The following CDKL5 variants were observed in gnomAD, a reference collection of about 807,000 sequenced individuals.
CDKL5 encodes the protein cyclin dependent kinase like 5.
In CDKL5, 8 loss-of-function variants were observed where a neutral mutation model predicts 61.7. The ratio of observed to expected loss-of-function variants is 0.13; its 90% CI spans 0.08 to 0.23. CDKL5 has a LOEUF of 0.23. Ranked by LOEUF, CDKL5 falls within the 10% of genes least tolerant of loss-of-function variation. The pLI is 1.00. For synonymous variants in CDKL5, 275 were observed against 272.3 expected (o/e 1.01, Z -0.10); for missense variants, 440 against 734.5 (o/e 0.60, Z 4.63).
At chrX:18,575,574 A>G in intron 5 of CDKL5, 84 bp downstream of exon 5, 1 of 876,256 alleles carries the variant, frequency 1.1e-6, no homozygotes, top group Non-Finnish European at 1.7e-6. Context: ...AAGTACTGTT[A>G]TCTAATATGG....
At chrX:18,516,070 C>G (rs1036376923) in intron 3 of CDKL5, among the ~76,000 whole-genome samples, 2 of 110,191 alleles carry the variant, frequency 1.8e-5, no homozygotes, top group African/African-American at 6.6e-5. Flanking sequence ...TCACTGCAAC[C>G]TCCGCTTCCC....
intron 1 of CDKL5, among the ~76,000 whole-genome samples, chrX:18,488,865 A>G (rs1361291380): frequency 8.9e-6 from 1 of 111,999 alleles, no homozygotes; most frequent in Non-Finnish European, 1.9e-5. Context: ...TTAATGTTAA[A>G]ACAGACTCTT....
chrX:18,505,417 G>A (rs1026603145), intron 1 of CDKL5, among the ~76,000 whole-genome samples: 3 of 112,104 alleles, frequency 2.7e-5, no homozygotes, highest in Admixed American at 1.9e-4. Context: ...TCTTCATAGC[G>A]AAAAAAGAAC....
At chrX:18,579,668 A>G (rs1925409436) in intron 5 of CDKL5, among the ~76,000 whole-genome samples, 180 bp from the exon 6 acceptor site, 2 of 111,391 alleles carry the variant, frequency 1.8e-5, no homozygotes, top group Admixed American at 9.6e-5. Context: ...GGAATTCCTC[A>G]TAAAAGAAAG....
At position 18,494,429 on chromosome X, in the gene CDKL5, T is replaced by C. The variant is rs767234238; in HGVS notation, c.-162-12506T>C. Among the ~76,000 whole-genome samples the C allele has an allele frequency of 5.5e-5, 6 of 109,131 alleles. No individual in the cohort carries two copies. In the South Asian group the frequency reaches 2.3e-3, roughly 42 times the overall value. The allele number at this position is 109,131 out of a possible 115,157, so 94.8% of individuals were successfully genotyped here. On this transcript the variant is annotated intron_variant, in intron 1 of 17. Transcript: ENST00000623535. ...TACCCCGTTAATTTTTTGTATTTCT[T>C]TTTTTTTTAGTAGAGATGGGGTTTT...
In CDKL5 at chrX:18,628,853, G is replaced by A; in HGVS notation, c.*96G>A. ...TGGGGCATGGGCCGGGCCAAGTGGTGAGCCAATATTTTCAGCTTTATGAAG... is the reference window on the plus strand; with the variant it reads ...TGGGGCATGGGCCGGGCCAAGTGGTAAGCCAATATTTTCAGCTTTATGAAG... On this transcript the variant is annotated 3_prime_UTR_variant, in exon 18 of 18. Transcript: ENST00000623535. 1.8e-6 allele frequency: 2 copies of A among 1,085,024 alleles called. No individual in the cohort carries two copies. Among genetic ancestry groups the A allele is most frequent in the Admixed American group, 3.8e-5 (1 of 26,318 alleles). 89.4% of individuals were successfully genotyped at this position (1,085,024 alleles called of 1,213,427 possible). A position where few individuals can be genotyped will look rare whatever the true frequency, so the allele number is the denominator to read the frequency against.
In CDKL5 at chrX:18,439,240, T is replaced by G. The variant is rs554315277; in HGVS notation, c.-163+13545T>G. On this transcript the variant is annotated intron_variant, in intron 1 of 17. Transcript: ENST00000623535. ...TGGTAAATGAGTAGGTGCTAATAGCTCTCTGTGGGGCTCCAGAATCTTTTC... is the reference window on the plus strand; with the variant it reads ...TGGTAAATGAGTAGGTGCTAATAGCGCTCTGTGGGGCTCCAGAATCTTTTC... 3.5e-3 allele frequency among the ~76,000 whole-genome samples: 381 copies of G among 110,002 alleles called. 2 individuals are homozygous for G. The Middle Eastern group carries it at 0.046, about 13-fold the overall frequency.
Position 18,540,468 on chromosome X carries a change from C to T in CDKL5, c.100-24009C>T, listed in dbSNP as rs751901620. Among the ~76,000 whole-genome samples, 5 of 111,763 alleles carry T rather than the reference C, an allele frequency of 4.5e-5. No individual in the cohort carries two copies. In the East Asian group the frequency reaches 8.5e-4, roughly 19 times the overall value. ...CTGGGATTACAGGAGTGAACCACCA[C>T]GCCTGGCTGGTTATCTTTTACTTCC... On this transcript the variant is annotated intron_variant, in intron 3 of 17. Transcript: ENST00000623535.
chrX:18,430,689 C>T (rs1200398999), intron 1 of CDKL5, among the ~76,000 whole-genome samples: 1 of 110,324 alleles, frequency 9.1e-6, no homozygotes, highest in African/African-American at 3.3e-5. Context: ...AGACAGTCCC[C>T]CCGCTTCAGC....
chrX:18,627,888 C>T (rs765573591), intron 17 of CDKL5, among the ~76,000 whole-genome samples: 3 of 109,086 alleles, frequency 2.8e-5, no homozygotes, highest in East Asian at 5.8e-4. Context: ...AAGGGCTATA[C>T]GACTTGTAGT....
intron 3 of CDKL5, among the ~76,000 whole-genome samples, chrX:18,540,806 G>T (rs1329418507): frequency 9.2e-6 from 1 of 109,040 alleles, no homozygotes; most frequent in Non-Finnish European, 1.9e-5. Context: ...TCCTGCCTCA[G>T]CCTCCCGAGT....
At chrX:18,455,198 A>G (rs745453734) in intron 1 of CDKL5, among the ~76,000 whole-genome samples, 8 of 111,953 alleles carry the variant, frequency 7.1e-5, no homozygotes, top group African/African-American at 2.6e-4. Flanking sequence ...ATAGATTTTT[A>G]TAGTTGTCTC....
At chrX:18,568,842 G>A (rs1031705273) in intron 4 of CDKL5, among the ~76,000 whole-genome samples, 10 of 109,587 alleles carry the variant, frequency 9.1e-5, no homozygotes, top group African/African-American at 2.7e-4. Context: ...CTACAGGTGC[G>A]CACCACCACT....
chrX:18,515,560 G>A (rs1404015161), intron 3 of CDKL5, among the ~76,000 whole-genome samples: 2 of 111,386 alleles, frequency 1.8e-5, no homozygotes. Flanking sequence ...AGGGATGAAA[G>A]ATGATCCCAG....
chrX:18,595,993 T>G (rs1304958304), intron 10 of CDKL5, among the ~76,000 whole-genome samples: 1 of 111,283 alleles, frequency 9.0e-6, no homozygotes, highest in Non-Finnish European at 1.9e-5. Flanking sequence ...TCAAATTTCT[T>G]TATTCAAGTT....
rs772076629 is a variant in CDKL5, at chrX:18,604,112, T to A, written c.1188T>A (p.Asp396Glu). The change falls in exon 12 of 18, where the codon GAT becomes GAA. Residue 396 changes from aspartate (D) to glutamate (E), a missense_variant. Asp to Glu is a conservative substitution (Grantham distance 45). Around this residue, in one of 2 missense-constraint regions of CDKL5, gnomAD observed 363 missense variants for 516.3 expected, o/e 0.70. Coordinates refer to ENST00000623535, the MANE Select transcript of CDKL5 (RefSeq NM_001323289.2). ...GCCAGCCTGGGTCTACCAGCAAAGA[T>A]CTCACCAACAACAACATACCACACC... ...ASSQPGSTSK[D>E]LTNNNIPHLL... The A allele has an allele frequency of 4.1e-6, 5 of 1,211,323 alleles. No individual in the cohort carries two copies. Among genetic ancestry groups the A allele is most frequent in the Non-Finnish European group, 5.6e-6 (5 of 895,367 alleles).
intron 1 of CDKL5, 68 bp from the exon 2 acceptor site, chrX:18,506,867 G>A: frequency 2.7e-6 from 1 of 373,742 alleles, no homozygotes; most frequent in Non-Finnish European, 4.7e-6. Flanking sequence ...CTACAAAAAG[G>A]TAAGATTGGT....
At chrX:18,509,192 A>AACACGC (rs202161625) in intron 2 of CDKL5, among the ~76,000 whole-genome samples, 4 of 45,002 alleles carry the variant, frequency 8.9e-5, no homozygotes, top group Non-Finnish European at 1.6e-4. Flanking sequence ...ACTGTCTCAA[A>AACACGC]ACACGCACAC....
At position 18,629,839 on chromosome X, in the gene CDKL5, G is replaced by T; in HGVS notation, c.*1082G>T. The stretch of plus-strand genomic sequence containing the variant: ...GAATAGATTGAGGCGTTACTCGTGG[G>T]TCTTTGTAGAGAGAATGTGCTCTTC... On this transcript the variant is annotated 3_prime_UTR_variant, in exon 18 of 18. Coordinates refer to ENST00000623535, the MANE Select transcript of CDKL5 (RefSeq NM_001323289.2). 1 of 754,309 alleles carries T rather than the reference G, an allele frequency of 1.3e-6. No homozygotes were observed. The highest frequency in any genetic ancestry group is 2.3e-5 in the African/African-American group (1 of 43,841). The allele number at this position is 754,309 out of a possible 1,213,427, so 62.2% of individuals were successfully genotyped here.
Sources: allele counts gnomAD v4.1 joint callset (sites outside exome capture counted in the v4.1 genomes callset), GRCh38; gene constraint gnomAD v4.1.1; regional missense constraint gnomAD v4.1.1; transcripts MANE v1.5; gene names NCBI Gene and HGNC (gene_info 2026-07-23, HGNC 2026-07-21).